Variants in GALNTL6 observed in about 807,000 individuals in gnomAD.
GALNTL6 encodes polypeptide N-acetylgalactosaminyltransferase like 6.
Under a neutral mutation model 73.7 loss-of-function variants are expected in GALNTL6, and 46 were observed. The ratio of observed to expected loss-of-function variants is 0.62; its 90% CI spans 0.49 to 0.80. The LOEUF (loss-of-function observed/expected upper bound fraction) is 0.80. GALNTL6 is among the 30% of genes least tolerant of loss of function. GALNTL6 has a pLI of 0.00. For missense variants in GALNTL6, 604 were observed against 755.0 expected (o/e 0.80, Z 2.34); for synonymous variants, 259 against 263.7 (o/e 0.98, Z 0.17).
intron 2 of GALNTL6, among the ~76,000 whole-genome samples, chr4:171,987,490 C>T (rs1476038609): frequency 6.6e-6 from 1 of 152,136 alleles, no homozygotes; most frequent in African/African-American, 2.4e-5. Flanking sequence ...AGTGTCTACC[C>T]AGACTAAGAG....
At chr4:172,078,727 T>C (rs1731787572) in intron 2 of GALNTL6, among the ~76,000 whole-genome samples, 1 of 152,230 alleles carries the variant, frequency 6.6e-6, no homozygotes, top group Non-Finnish European at 1.5e-5. Flanking sequence ...TGTTGATTCA[T>C]GGTCACTTTC....
intron 7 of GALNTL6, among the ~76,000 whole-genome samples, chr4:172,875,805 A>G (rs1745167072): frequency 6.6e-6 from 1 of 152,132 alleles, no homozygotes. Flanking sequence ...CAGAAAAGTA[A>G]CAGAGGGACA....
chr4:172,564,621 G>T (rs1374219583), intron 5 of GALNTL6, among the ~76,000 whole-genome samples: 2 of 152,202 alleles, frequency 1.3e-5, no homozygotes, highest in Non-Finnish European at 2.9e-5. Flanking sequence ...GTTTGACAAT[G>T]CTGTAATGGC....
intron 2 of GALNTL6, among the ~76,000 whole-genome samples, chr4:172,041,323 T>G (rs1742080779): frequency 6.6e-6 from 1 of 152,086 alleles, no homozygotes; most frequent in Non-Finnish European, 1.5e-5. Context: ...TTGCTGAGTG[T>G]TTTAACATTC....
intron 2 of GALNTL6, among the ~76,000 whole-genome samples, chr4:172,050,200 G>A (rs1015205629): frequency 8.5e-5 from 13 of 152,100 alleles, no homozygotes; most frequent in African/African-American, 3.1e-4. Context: ...CCGGGCCAAG[G>A]TTTGCAGCAG....
In GALNTL6 at chr4:172,735,479, T is replaced by C. The variant is rs142525527; in HGVS notation, c.554-73882T>C. 4.5e-3 allele frequency among the ~76,000 whole-genome samples: 679 copies of C among 152,308 alleles called. 8 individuals carry two copies. Among genetic ancestry groups the C allele is most frequent in the African/African-American group, 0.015 (633 of 41,562 alleles). ...TAGGAAGTAACTAACTTGCTTTTGA[T>C]TTTATAGGCTCGTAGGCAGAAGGGA... On this transcript the variant is annotated intron_variant, in intron 5 of 12. Transcript: ENST00000506823.
At chr4:173,004,401 C>A (rs186487901) in intron 10 of GALNTL6, among the ~76,000 whole-genome samples, 2 of 152,146 alleles carry the variant, frequency 1.3e-5, no homozygotes, top group Non-Finnish European at 2.9e-5. Flanking sequence ...GCCAAGGCAG[C>A]GGATCATCTG....
At chr4:172,887,927 T>G (rs1203721161) in intron 8 of GALNTL6, among the ~76,000 whole-genome samples, 1 of 152,212 alleles carries the variant, frequency 6.6e-6, no homozygotes, top group African/African-American at 2.4e-5. Context: ...ATTGTAGTTT[T>G]GATTTGCATT....
At chr4:172,956,161 C>T (rs1012816575) in intron 10 of GALNTL6, among the ~76,000 whole-genome samples, 1 of 151,926 alleles carries the variant, frequency 6.6e-6, no homozygotes, top group Non-Finnish European at 1.5e-5. Flanking sequence ...AGATAATGCG[C>T]GATGTTTCTC....
chr4:172,245,387 G>A (rs542410833), intron 3 of GALNTL6, among the ~76,000 whole-genome samples: 11 of 152,210 alleles, frequency 7.2e-5, no homozygotes, highest in African/African-American at 2.6e-4. Flanking sequence ...TTGATGGGAG[G>A]AGTTAAAGTC....
chr4:171,926,739 C>T (rs1299779049), intron 2 of GALNTL6, among the ~76,000 whole-genome samples: 1 of 151,994 alleles, frequency 6.6e-6, no homozygotes, highest in Non-Finnish European at 1.5e-5. Context: ...CACTTCTTGT[C>T]CTTTTGGTTT....
rs535446600 is a variant in GALNTL6 at position 172,908,316 on chromosome 4, T to C, written c.1042-22845T>C. Among the ~76,000 whole-genome samples the C allele has an allele frequency of 2.6e-5, 4 of 152,314 alleles. No homozygotes were observed. In the South Asian group the frequency reaches 6.2e-4, roughly 24 times the overall value. Reference sequence around the variant, plus strand: ...TTAGCATGATTAAAATATAAATATGTGTGTTTGTATAATGGATATATTTCA... The same window carrying C: ...TTAGCATGATTAAAATATAAATATGCGTGTTTGTATAATGGATATATTTCA... On this transcript the variant is annotated intron_variant, in intron 8 of 12. Coordinates refer to ENST00000506823, the MANE Select transcript of GALNTL6 (RefSeq NM_001034845.3).
intron 8 of GALNTL6, among the ~76,000 whole-genome samples, chr4:172,913,067 G>A (rs938945901): frequency 3.3e-5 from 5 of 152,178 alleles, no homozygotes; most frequent in Non-Finnish European, 5.9e-5. Context: ...AATATTTGCT[G>A]TTCTGCCACC....
chr4:172,241,493 G>A (rs1737434004), intron 3 of GALNTL6, among the ~76,000 whole-genome samples: 1 of 152,178 alleles, frequency 6.6e-6, no homozygotes, highest in Non-Finnish European at 1.5e-5. Context: ...TAACTGTAAA[G>A]ATTATTCACA....
intron 2 of GALNTL6, among the ~76,000 whole-genome samples, chr4:171,975,534 T>G (rs1739694949): frequency 7.0e-6 from 1 of 142,888 alleles, no homozygotes; most frequent in Non-Finnish European, 1.5e-5. Flanking sequence ...GTCAAGAGAT[T>G]AGGCTGAACT....
chr4:171,849,752 C>A (rs1191265934), intron 2 of GALNTL6, among the ~76,000 whole-genome samples: 1 of 152,116 alleles, frequency 6.6e-6, no homozygotes, highest in Non-Finnish European at 1.5e-5. Context: ...AGAAGGTGGC[C>A]ATGCCGCAGG....
At chr4:172,528,985 A>ATC (rs1735074989) in intron 5 of GALNTL6, among the ~76,000 whole-genome samples, 1 of 31,444 alleles carries the variant, frequency 3.2e-5, no homozygotes, top group Non-Finnish European at 5.6e-5. Context: ...ATTTATACAT[A>ATC]TGTGTGTATA....
chr4:172,475,099 T>G (rs1733184947), intron 5 of GALNTL6, among the ~76,000 whole-genome samples: 2 of 152,230 alleles, frequency 1.3e-5, no homozygotes, highest in East Asian at 1.9e-4. Flanking sequence ...AAAGGAATAG[T>G]TAAATCAAAA....
chr4:172,683,327 T>G (rs1180056452), intron 5 of GALNTL6, among the ~76,000 whole-genome samples: 1 of 152,216 alleles, frequency 6.6e-6, no homozygotes, highest in African/African-American at 2.4e-5. Flanking sequence ...ATCTATTCAC[T>G]TCTATGCATG....
Sources: allele counts gnomAD v4.1 joint callset (sites outside exome capture counted in the v4.1 genomes callset), GRCh38; gene constraint gnomAD v4.1.1; transcripts MANE v1.5; gene names NCBI Gene and HGNC (gene_info 2026-07-23, HGNC 2026-07-21).